The following PLEKHG4B variants were observed in gnomAD, a reference collection of about 807,000 sequenced individuals.
The protein encoded by PLEKHG4B is pleckstrin homology and RhoGEF domain containing G4B, also known as pleckstrin homology domain-containing family G member 4B.
In PLEKHG4B, 111 loss-of-function variants were observed where a neutral mutation model predicts 121.3. That is an observed-to-expected ratio of 0.92 (90% CI 0.78 to 1.07). PLEKHG4B has a LOEUF of 1.07. Ranked by LOEUF, PLEKHG4B falls within the 50% of genes least tolerant of loss-of-function variation. The pLI, the probability that PLEKHG4B is intolerant of heterozygous loss-of-function variation, is 0.00. For missense variants in PLEKHG4B, 1,831 were observed against 1,757.8 expected (o/e 1.04, Z -0.74); for synonymous variants, 738 against 725.0 (o/e 1.02, Z -0.29).
rs143185198 is a variant in PLEKHG4B at position 136,950 on chromosome 5, A to G, written c.244-2533A>G. Among the ~76,000 whole-genome samples the G allele has an allele frequency of 2.7e-3, 413 of 152,372 alleles. 2 individuals are homozygous for G. Among genetic ancestry groups the G allele is most frequent in the African/African-American group, 9.6e-3 (398 of 41,600 alleles). Reference sequence around the variant, plus strand: ...TATTCACAGCAGACAAAAGGTGGAAACAACCCCAGTGTTCATGGATGGATG... The same window carrying G: ...TATTCACAGCAGACAAAAGGTGGAAGCAACCCCAGTGTTCATGGATGGATG... On this transcript the variant is annotated intron_variant, in intron 2 of 19. Coordinates refer to ENST00000637938, the MANE Select transcript of PLEKHG4B (RefSeq NM_052909.5).
At chr5:144,490 G>A (rs1229968798) in intron 5 of PLEKHG4B, among the ~76,000 whole-genome samples, 1 of 152,178 alleles carries the variant, frequency 6.6e-6, no homozygotes, top group African/African-American at 2.4e-5. Context: ...AAATAAATGA[G>A]GGCAAGAAGG....
chr5:120,082 C>T (rs1734424575), intron 2 of PLEKHG4B, among the ~76,000 whole-genome samples: 1 of 152,068 alleles, frequency 6.6e-6, no homozygotes, highest in Admixed American at 6.5e-5. Flanking sequence ...CACAGCTCTA[C>T]AAGAATTTTT....
chr5:112,570 C>T (rs1371400073), intron 1 of PLEKHG4B, among the ~76,000 whole-genome samples: 1 of 152,194 alleles, frequency 6.6e-6, no homozygotes, highest in African/African-American at 2.4e-5. Context: ...TTCATAAAAG[C>T]ATGTTGCACC....
chr5:113,866 C>T lies in PLEKHG4B; in HGVS notation c.243+418C>T, dbSNP rs189959210. Among the ~76,000 whole-genome samples the T allele has an allele frequency of 1.3e-5, 2 of 152,138 alleles. No homozygotes were observed. Among genetic ancestry groups the T allele is most frequent in the East Asian group, 3.9e-4 (2 of 5,186 alleles). On this transcript the variant is annotated intron_variant, in intron 2 of 19. Transcript: ENST00000637938. The surrounding 1 kb of genome is among the most constrained non-coding windows in gnomAD (Gnocchi z 5.2). ...ACCTGGAAGGGATAGTAGTGAGAAC[C>T]TCAGAGCTAAGTCAGTGCAGCAGTC...
rs528113015 is a variant in PLEKHG4B at position 145,600 on chromosome 5, G to A, written c.1905+680G>A. ...TGGTCTTGAACTCCTGGACTCAAGC[G>A]CACCCACCTCAGCCTCCCAGAGTGC... On this transcript the variant is annotated intron_variant, in intron 6 of 19. Coordinates refer to ENST00000637938, the MANE Select transcript of PLEKHG4B (RefSeq NM_052909.5). 1.7e-3 allele frequency among the ~76,000 whole-genome samples: 262 copies of A among 152,296 alleles called. 3 individuals are homozygous for A. The South Asian group carries it at 0.027, about 16-fold the overall frequency.
Position 157,239 on chromosome 5 carries a change from C to T in PLEKHG4B, c.2487+328C>T, listed in dbSNP as rs912477689. On this transcript the variant is annotated intron_variant, in intron 11 of 19. Transcript: ENST00000637938. The surrounding 1 kb of genome is among the most constrained non-coding windows in gnomAD (Gnocchi z 4.6). ...TCCGGACGCTTTCTCCATGTGCATGCGTACACAGTGACTGAGAAGCCGAGG... is the reference window on the plus strand; with the variant it reads ...TCCGGACGCTTTCTCCATGTGCATGTGTACACAGTGACTGAGAAGCCGAGG... 6.4e-5 allele frequency: 23 copies of T among 359,686 alleles called. No individual in the cohort carries two copies. The highest frequency in any genetic ancestry group is 4.6e-4 in the South Asian group (20 of 43,270). 22.3% of individuals were successfully genotyped at this position (359,686 alleles called of 1,614,324 possible). A position where few individuals can be genotyped will look rare whatever the true frequency, so the allele number is the denominator to read the frequency against.
At position 163,070 on chromosome 5, in the gene PLEKHG4B, G is replaced by C. The variant is rs766570039; in HGVS notation, c.2998G>C (p.Gly1000Arg). 1 of 1,561,246 alleles carries C rather than the reference G, an allele frequency of 6.4e-7. No individual in the cohort carries two copies. The highest frequency in any genetic ancestry group is 1.4e-5 in the African/African-American group (1 of 73,484). ...PPSFPSTDSG[G>R]GAWEPAQPLS... ...CTCATTCCCCAGCACGGACAGTGGG[G>C]GTGGTGCCTGGGAACCTGCGCAACC... The change falls in exon 13 of 20, where the codon GGT becomes CGT. Residue 1000 changes from glycine (G) to arginine (R), a missense_variant. Transcript: ENST00000637938.
At chr5:127,516 A>C (rs544761420) in intron 2 of PLEKHG4B, among the ~76,000 whole-genome samples, 135 of 152,014 alleles carry the variant, frequency 8.9e-4, no homozygotes, top group African/African-American at 3.1e-3. Context: ...AAAATGTCCT[A>C]GTGTTTAATG....
At chr5:166,431 G>A (rs1174689310) in intron 13 of PLEKHG4B, among the ~76,000 whole-genome samples, 1 of 122,976 alleles carries the variant, frequency 8.1e-6, no homozygotes, top group South Asian at 2.7e-4. Flanking sequence ...CTGACGGGGC[G>A]GAGCTCACAC....
chr5:183,983 AGATAGATC>A lies in PLEKHG4B; in HGVS notation c.*1668_*1675del, dbSNP rs199670385. 23,469 of 82,900 alleles carry A rather than the reference AGATAGATC, an allele frequency of 0.28. 2,109 individuals are homozygous for A. Among genetic ancestry groups the A allele is most frequent in the Non-Finnish European group, 0.35 (14,405 of 41,658 alleles). The allele number at this position is 82,900 out of a possible 1,614,324, so 5.1% of individuals were successfully genotyped here. A position where few individuals can be genotyped will look rare whatever the true frequency, so the allele number is the denominator to read the frequency against. On this transcript the variant is annotated 3_prime_UTR_variant, in exon 20 of 20. Coordinates refer to ENST00000637938, the MANE Select transcript of PLEKHG4B (RefSeq NM_052909.5). ...TATATATACAGACAGATAGATAGAT[AGATAGATC>A]GATAGATAGATAGATAGATAGATAG...
At chr5:155,587 C>T (rs568600839) in intron 9 of PLEKHG4B, 144 bp downstream of exon 9, 13 of 673,790 alleles carry the variant, frequency 1.9e-5, no homozygotes, top group African/African-American at 3.6e-5. Context: ...GTAGATCCCT[C>T]TTAATTCAGA....
intron 13 of PLEKHG4B, among the ~76,000 whole-genome samples, chr5:167,066 G>C (rs533847480): frequency 6.6e-6 from 1 of 152,210 alleles, no homozygotes; most frequent in Non-Finnish European, 1.5e-5. Flanking sequence ...GCCGACCCCC[G>C]TGTGATTTCC....
chr5:136,586 G>A (rs1358646976), intron 2 of PLEKHG4B, among the ~76,000 whole-genome samples: 1 of 152,122 alleles, frequency 6.6e-6, no homozygotes, highest in Non-Finnish European at 1.5e-5. Flanking sequence ...AATCAGGAGG[G>A]AAACACAAAT....
chr5:178,064 G>A (rs1215945046), intron 18 of PLEKHG4B, among the ~76,000 whole-genome samples: 1 of 152,190 alleles, frequency 6.6e-6, no homozygotes, highest in Non-Finnish European at 1.5e-5. Context: ...AGGATGCCCT[G>A]TGTGCTTAGG....
intron 18 of PLEKHG4B, among the ~76,000 whole-genome samples, chr5:178,775 A>G (rs988118557): frequency 1.3e-5 from 2 of 152,192 alleles, no homozygotes; most frequent in Admixed American, 6.5e-5. Flanking sequence ...CTCTATGTCC[A>G]TGGGGATGCG....
In PLEKHG4B at chr5:189,626, C is replaced by G. The variant is rs1579345292; in HGVS notation, c.*7303C>G. The stretch of plus-strand genomic sequence containing the variant: ...GCGCCAGAGCTGGGCCTGAGTCTGA[C>G]CCAACCTGTGCTGAGTGGTCCTGCT... On this transcript the variant is annotated 3_prime_UTR_variant, in exon 20 of 20. Coordinates refer to ENST00000637938, the MANE Select transcript of PLEKHG4B (RefSeq NM_052909.5). 6.6e-6 allele frequency: 1 copy of G among 152,248 alleles called. No homozygotes were observed. The highest frequency in any genetic ancestry group is 1.5e-5 in the Non-Finnish European group (1 of 68,082). 9.4% of individuals were successfully genotyped at this position (152,248 alleles called of 1,614,324 possible). A position where few individuals can be genotyped will look rare whatever the true frequency, so the allele number is the denominator to read the frequency against.
intron 18 of PLEKHG4B, among the ~76,000 whole-genome samples, chr5:176,241 G>A (rs1431343126): frequency 8.5e-5 from 5 of 59,144 alleles, no homozygotes; most frequent in African/African-American, 1.9e-4. Flanking sequence ...CCATCCTGAA[G>A]AGCCTTCCTG....
At chr5:120,071 G>T (rs1395933696) in intron 2 of PLEKHG4B, among the ~76,000 whole-genome samples, 1 of 152,116 alleles carries the variant, frequency 6.6e-6, no homozygotes, top group Non-Finnish European at 1.5e-5. Context: ...ACATGTGAGA[G>T]CACAGCTCTA....
At chr5:151,629 G>T (rs369583801) in intron 7 of PLEKHG4B, 30 bp downstream of exon 7, 2 of 1,427,576 alleles carry the variant, frequency 1.4e-6, no homozygotes, top group Non-Finnish European at 1.9e-6. Context: ...GATCCTGAGT[G>T]ATGGATAAAA....
Sources: allele counts gnomAD v4.1 joint callset (sites outside exome capture counted in the v4.1 genomes callset), GRCh38; gene constraint gnomAD v4.1.1; non-coding constraint Gnocchi (gnomAD v3.1); transcripts MANE v1.5; gene names NCBI Gene and HGNC (gene_info 2026-07-23, HGNC 2026-07-21).